The following PCDHGB1 variants were observed in gnomAD, a reference collection of about 807,000 sequenced individuals.
PCDHGB1 encodes the protein protocadherin gamma-B1.
Under a neutral mutation model 56.6 loss-of-function variants are expected in PCDHGB1, and 34 were observed. The observed-to-expected ratio is 0.60, with a 90% confidence interval of 0.46 to 0.80. PCDHGB1 has a LOEUF of 0.80. Ranked by LOEUF, PCDHGB1 falls within the 30% of genes least tolerant of loss-of-function variation. PCDHGB1 has a pLI of 0.00. For synonymous variants in PCDHGB1, 561 were observed against 505.9 expected (o/e 1.11, Z -1.46); for missense variants, 1,278 against 1,204.6 (o/e 1.06, Z -0.90).
chr5:141,410,789 A>G (rs1264282350), intron 1 of PCDHGB1: 13 of 794,352 alleles, frequency 1.6e-5, no homozygotes, highest in Non-Finnish European at 2.4e-5. Flanking sequence ...TATTTGGTTC[A>G]TAAGTTGCTC....
At chr5:141,458,434 G>T (rs535464730) in intron 1 of PCDHGB1, among the ~76,000 whole-genome samples, 1 of 152,198 alleles carries the variant, frequency 6.6e-6, no homozygotes, top group African/African-American at 2.4e-5. Context: ...GAAAGAGGAG[G>T]TCCCCCACAT....
At chr5:141,438,649 CACATATATGTAT>C (rs1346265042) in intron 1 of PCDHGB1, among the ~76,000 whole-genome samples, 20 of 100,970 alleles carry the variant, frequency 2.0e-4, no homozygotes, top group Admixed American at 2.1e-4. Flanking sequence ...CACACACACA[CACATATATGTAT>C]ATATATATTT....
At chr5:141,506,829 T>C (rs1449718553) in intron 3 of PCDHGB1, among the ~76,000 whole-genome samples, 1 of 152,182 alleles carries the variant, frequency 6.6e-6, no homozygotes, top group African/African-American at 2.4e-5. Context: ...CATGAACTGA[T>C]AGCCCTGCCC....
At chr5:141,372,265 G>T (rs1317887998) in intron 1 of PCDHGB1, 2 of 1,613,014 alleles carry the variant, frequency 1.2e-6, no homozygotes, top group Non-Finnish European at 1.7e-6. Flanking sequence ...CTGCGCACGG[G>T]TGAGGTGCGC....
chr5:141,375,992 G>A (rs1277276450), intron 1 of PCDHGB1: 9 of 1,613,328 alleles, frequency 5.6e-6, no homozygotes, highest in Admixed American at 1.7e-5. Flanking sequence ...GGACAGAGAC[G>A]CGCTCAAGCA....
At chr5:141,462,217 C>T (rs1469685983) in intron 1 of PCDHGB1, among the ~76,000 whole-genome samples, 1 of 152,216 alleles carries the variant, frequency 6.6e-6, no homozygotes, top group South Asian at 2.1e-4. Flanking sequence ...GCCTCGGCCT[C>T]CCAAAGTGCA....
intron 1 of PCDHGB1, chr5:141,376,535 G>A (rs1194313716): frequency 6.2e-7 from 1 of 1,613,586 alleles, no homozygotes; most frequent in South Asian, 1.1e-5. Context: ...TAAGCGGGAA[G>A]AGTAATCTGA....
chr5:141,416,728 T>C (rs2096057160), intron 1 of PCDHGB1: 1 of 152,232 alleles, frequency 6.6e-6, no homozygotes, highest in Non-Finnish European at 1.5e-5. Context: ...GTTCATTTAG[T>C]TCAATGAAAA....
intron 1 of PCDHGB1, among the ~76,000 whole-genome samples, chr5:141,449,003 T>A (rs2098622649): frequency 1.3e-5 from 2 of 152,280 alleles, no homozygotes; most frequent in African/African-American, 4.8e-5. Context: ...AAAGCTGTTT[T>A]TTTTAACAGT....
In PCDHGB1 at chr5:141,389,510, G is replaced by A. The variant is rs527483186; in HGVS notation, c.2409+36841G>A. The A allele has an allele frequency of 5.0e-6, 8 of 1,613,140 alleles. No individual in the cohort carries two copies. In the African/African-American group the frequency reaches 6.7e-5, roughly 13 times the overall value. ...ACCAGGGCTCGCCAGCGCTCAGCGC[G>A]AACGTGAGCCTGCGCGTGTTAGTGG... On this transcript the variant is annotated intron_variant, in intron 1 of 3. Transcript: ENST00000523390.
Position 141,351,997 on chromosome 5 carries a change from G to C in PCDHGB1, c.1737G>C (p.Glu579Asp), listed in dbSNP as rs1228319318. The C allele has an allele frequency of 1.2e-6, 2 of 1,610,894 alleles. No homozygotes were observed. The highest frequency in any genetic ancestry group is 2.2e-5 in the South Asian group (2 of 90,984). ...ALFDMVPRAAEPGYLVTKVVA... is the reference protein window; with the variant it reads ...ALFDMVPRAADPGYLVTKVVA... ...TCGATATGGTGCCACGCGCCGCAGA[G>C]CCCGGCTACCTGGTGACCAAGGTGG... Residue 579 changes from glutamate (E) to aspartate (D), a missense_variant, in exon 1 of 4, where the codon GAG becomes GAC. Glu to Asp is a conservative substitution (Grantham distance 45). Transcript: ENST00000523390.
At chr5:141,368,939 G>A (rs920878647) in intron 1 of PCDHGB1, among the ~76,000 whole-genome samples, 3 of 152,146 alleles carry the variant, frequency 2.0e-5, no homozygotes, top group African/African-American at 7.2e-5. Context: ...TAGAATTCTG[G>A]TTACTGTGAG....
At chr5:141,354,901 A>C (rs1394350336) in intron 1 of PCDHGB1, 1 of 397,230 alleles carries the variant, frequency 2.5e-6, no homozygotes, top group African/African-American at 2.1e-5. Context: ...GAGAAATAGG[A>C]ATAGAAAAGT....
rs762574320 is a variant in PCDHGB1, at chr5:141,485,926, G to T, written c.2410-8881G>T. 2.5e-6 allele frequency: 4 copies of T among 1,614,090 alleles called. No individual in the cohort carries two copies. The highest frequency in any genetic ancestry group is 3.4e-6 in the Non-Finnish European group (4 of 1,180,052). On this transcript the variant is annotated intron_variant, in intron 1 of 3. Transcript: ENST00000523390. This position sits in a 1 kb window ranked among gnomAD's most constrained non-coding sequence, Gnocchi z 5.7. Reference sequence around the variant, plus strand: ...AGCAATCCAGCTACAGGATTAGTGTGTTGGAGAGCGCACCAGCGGGCATGG... The same window carrying T: ...AGCAATCCAGCTACAGGATTAGTGTTTTGGAGAGCGCACCAGCGGGCATGG...
At chr5:141,419,311 C>G (rs745852942) in intron 1 of PCDHGB1, 1 of 1,613,994 alleles carries the variant, frequency 6.2e-7, no homozygotes, top group Non-Finnish European at 8.5e-7. Flanking sequence ...TCGGGCTCAA[C>G]GGCCGTGTCT....
Position 141,511,065 on chromosome 5 carries a change from C to T in PCDHGB1, c.2676C>T (p.Ile892=). Residue 892 remains isoleucine, a synonymous_variant, in exon 4 of 4, where the codon ATC becomes ATT. Transcript: ENST00000523390. ...HVPDYRQNVY[I]PGSNATLTNA... ...CCGACTACCGCCAGAATGTCTACATCCCAGGCAGCAATGCCACACTGACCA... is the reference window on the plus strand; with the variant it reads ...CCGACTACCGCCAGAATGTCTACATTCCAGGCAGCAATGCCACACTGACCA... The T allele has an allele frequency of 6.2e-7, 1 of 1,614,222 alleles. No individual in the cohort carries two copies. Among genetic ancestry groups the T allele is most frequent in the Middle Eastern group, 1.6e-4 (1 of 6,062 alleles).
intron 1 of PCDHGB1, among the ~76,000 whole-genome samples, chr5:141,406,353 T>G (rs1380718525): frequency 6.6e-6 from 1 of 152,196 alleles, no homozygotes; most frequent in Admixed American, 6.5e-5. Context: ...CAGGTCATAC[T>G]ATGTTTGTAA....
intron 1 of PCDHGB1, among the ~76,000 whole-genome samples, chr5:141,488,661 G>T (rs573211567): frequency 6.6e-6 from 1 of 152,246 alleles, no homozygotes; most frequent in African/African-American, 2.4e-5. Context: ...GGAGGGTGGG[G>T]GAATACATGG....
chr5:141,362,748 A>C lies in PCDHGB1; in HGVS notation c.2409+10079A>C, dbSNP rs146059189. 1,393 of 693,104 alleles carry C rather than the reference A, an allele frequency of 2.0e-3. 24 individuals carry two copies. In the East Asian group the frequency reaches 0.035, roughly 17 times the overall value. The allele number at this position is 693,104 out of a possible 1,614,324, so 42.9% of individuals were successfully genotyped here. A position where few individuals can be genotyped will look rare whatever the true frequency, so the allele number is the denominator to read the frequency against. On this transcript the variant is annotated intron_variant, in intron 1 of 3. Coordinates refer to ENST00000523390, the MANE Select transcript of PCDHGB1 (RefSeq NM_018922.3). ...GTGAGATTTATTTACCCATGATTGC[A>C]AACCTTTATCACATGAGATATTGCA...
Sources: gnomAD v4.1 joint callset for allele counts (sites outside exome capture counted in the v4.1 genomes callset) on GRCh38, gnomAD v4.1.1 for gene constraint, Gnocchi (gnomAD v3.1) non-coding constraint, MANE v1.5 for transcripts, NCBI Gene and HGNC (gene_info 2026-07-23, HGNC 2026-07-21) for gene names.